The following CSF1R variants were observed in gnomAD, a reference collection of about 807,000 sequenced individuals.
The protein encoded by CSF1R is colony stimulating factor 1 receptor.
In CSF1R, 40 loss-of-function variants were observed where a neutral mutation model predicts 110.0. The ratio of observed to expected loss-of-function variants is 0.36; its 90% CI spans 0.28 to 0.47. The LOEUF (loss-of-function observed/expected upper bound fraction) is 0.47. CSF1R is among the 20% of genes least tolerant of loss of function. The pLI is 0.99. For missense variants in CSF1R, 1,052 were observed against 1,253.0 expected, an observed-to-expected ratio of 0.84 and a Z score of 2.42; for synonymous variants, 523 against 503.4, an observed-to-expected ratio of 1.04 and a Z score of -0.52.
chr5:150,095,237 A>G (rs1247304646), intron 1 of CSF1R, among the ~76,000 whole-genome samples: 2 of 152,198 alleles, frequency 1.3e-5, no homozygotes, highest in Non-Finnish European at 2.9e-5. Context: ...GTACAAGTAG[A>G]GAGCAAATCA....
chr5:150,058,256 A>G (rs772896942), intron 14 of CSF1R: 20 of 456,104 alleles, frequency 4.4e-5, no homozygotes, highest in Admixed American at 2.8e-4. Context: ...CACTTCCAAC[A>G]GTCCTCAAGA....
rs1757754704 is a variant in CSF1R, at chr5:150,066,027, G to A, written c.1626+2188C>T. On this transcript the variant is annotated intron_variant, in intron 10 of 20. Transcript: ENST00000675795. ...GCAAACATTGGAGCTGCTCAGAGAA[G>A]GAACAGGTGGCCCCGAGAGTGAGTA... Among the ~76,000 whole-genome samples the A allele has an allele frequency of 2.6e-5, 4 of 152,240 alleles. No individual in the cohort carries two copies. In the South Asian group the frequency reaches 8.3e-4, roughly 31 times the overall value.
At chr5:150,092,979 A>C (rs990261525) in intron 1 of CSF1R, among the ~76,000 whole-genome samples, 1 of 152,202 alleles carries the variant, frequency 6.6e-6, no homozygotes, top group Admixed American at 6.5e-5. Context: ...GATTGATCAC[A>C]AGTAACTGAA....
intron 1 of CSF1R, among the ~76,000 whole-genome samples, chr5:150,081,339 A>G (rs1032450732): frequency 2.6e-5 from 4 of 152,142 alleles, no homozygotes; most frequent in Admixed American, 2.0e-4. Flanking sequence ...CTGTGATGCC[A>G]TCTTTCTACT....
intron 1 of CSF1R, among the ~76,000 whole-genome samples, chr5:150,102,538 G>A (rs1759435650): frequency 1.3e-5 from 2 of 152,142 alleles, no homozygotes; most frequent in African/African-American, 4.8e-5. Context: ...GGAGTGCAGT[G>A]GCGCAGTCTT....
chr5:150,076,030 C>A (rs1460652521), intron 5 of CSF1R, among the ~76,000 whole-genome samples: 1 of 151,976 alleles, frequency 6.6e-6, no homozygotes, highest in Non-Finnish European at 1.5e-5. Flanking sequence ...TGTCTCAGAG[C>A]CTGCTCCCAC....
chr5:150,071,684 A>G lies in CSF1R; in HGVS notation c.1083-1113T>C, dbSNP rs149093796. On this transcript the variant is annotated intron_variant, in intron 6 of 20. Transcript: ENST00000675795. ...GCCTTGTGCTGAATGGGCCCAGACT[A>G]CTGTGTTTTAGGGGATCTCGTGTTC... Among the ~76,000 whole-genome samples the G allele has an allele frequency of 6.3e-4, 96 of 152,174 alleles. 2 individuals are homozygous for G. In the East Asian group the frequency reaches 0.015, roughly 24 times the overall value.
intron 1 of CSF1R, among the ~76,000 whole-genome samples, chr5:150,101,078 A>C (rs1301748793): frequency 6.6e-6 from 1 of 152,016 alleles, no homozygotes; most frequent in Non-Finnish European, 1.5e-5. Context: ...CAGAAAAAAA[A>C]AAAAAAGGTG....
At chr5:150,110,545 C>T (rs186708372) in intron 1 of CSF1R, among the ~76,000 whole-genome samples, 4 of 152,236 alleles carry the variant, frequency 2.6e-5, no homozygotes, top group Admixed American at 2.6e-4. Context: ...TCTGTATTTC[C>T]CATGGACCTA....
Position 150,073,476 on chromosome 5 carries a change from A to G in CSF1R, c.907T>C (p.Leu303=). The G allele has an allele frequency of 6.2e-7, 1 of 1,613,688 alleles. No individual in the cohort carries two copies. Among genetic ancestry groups the G allele is most frequent in the South Asian group, 1.1e-5 (1 of 91,048 alleles). The part of the protein sequence containing the change: ...FRVVESAYLN[L]SSEQNLIQEV... ...TGGATGAGGTTCTGCTCAGAGCTCA[A>G]GTTCAAGTAGGCACTCTCTGGAAAG... The change falls in exon 6 of 21, where the codon TTG becomes CTG. Residue 303 remains leucine (L), a synonymous_variant. Transcript: ENST00000675795.
chr5:150,109,055 C>T (rs1233533002), intron 1 of CSF1R, among the ~76,000 whole-genome samples: 1 of 30,030 alleles, frequency 3.3e-5, no homozygotes, highest in Non-Finnish European at 7.5e-5. Context: ...CAAGGAGAAG[C>T]CCGCCCCCCC....
intron 1 of CSF1R, among the ~76,000 whole-genome samples, chr5:150,085,008 G>A (rs554566065): frequency 4.6e-5 from 7 of 152,174 alleles, no homozygotes; most frequent in African/African-American, 1.7e-4. Context: ...GCCGGGCGCC[G>A]TGACTCACAC....
At chr5:150,076,450 A>G (rs1561933363) in intron 5 of CSF1R, among the ~76,000 whole-genome samples, 1 of 152,140 alleles carries the variant, frequency 6.6e-6, no homozygotes, top group Non-Finnish European at 1.5e-5. Context: ...ACTGAGACAC[A>G]GGGTGGTTAG....
chr5:150,104,351 G>C (rs1439468257), intron 1 of CSF1R, among the ~76,000 whole-genome samples: 1 of 152,246 alleles, frequency 6.6e-6, no homozygotes, highest in Non-Finnish European at 1.5e-5. Context: ...CACGATCAAA[G>C]GATGCTGCTT....
At chr5:150,088,624 C>T (rs1288539020), upstream of CSF1R, among the ~76,000 whole-genome samples, 5 of 152,024 alleles carry the variant, frequency 3.3e-5, no homozygotes, top group African/African-American at 1.2e-4. Context: ...ACCTCTGCCT[C>T]CCGCGTTCAA....
chr5:150,096,459 A>T (rs1361041836), intron 1 of CSF1R, among the ~76,000 whole-genome samples: 2 of 152,204 alleles, frequency 1.3e-5, no homozygotes, highest in Non-Finnish European at 2.9e-5. Flanking sequence ...AGCATAGGAG[A>T]GATGACTTTT....
intron 1 of CSF1R, among the ~76,000 whole-genome samples, 188 bp downstream of exon 1, chr5:150,086,191 G>C (rs867782103): frequency 1.3e-5 from 2 of 152,148 alleles, no homozygotes; most frequent in Non-Finnish European, 2.9e-5. Flanking sequence ...AGGTGGACCA[G>C]TTCCACCACA....
At position 150,057,601 on chromosome 5, in the gene CSF1R, G is replaced by A. The variant is rs373164720; in HGVS notation, c.2133-9C>T. On this transcript the variant is annotated splice_polypyrimidine_tract_variant and intron_variant, in intron 14 of 20. Transcript: ENST00000675795. ...TGGAGAAGCCACTGTCCCTACATAG[G>A]AGAGAGGGTTGGGGGGCAGAGGTCA... is the stretch of plus-strand genomic sequence containing the variant. 8.7e-6 allele frequency: 14 copies of A among 1,611,938 alleles called. No homozygotes were observed. The highest frequency in any genetic ancestry group is 1.3e-5 in the African/African-American group (1 of 75,016).
intron 1 of CSF1R, among the ~76,000 whole-genome samples, chr5:150,112,769 G>A (rs1357144435): frequency 1.3e-5 from 2 of 152,200 alleles, no homozygotes; most frequent in East Asian, 3.9e-4. Context: ...CTGCCCCTGA[G>A]TTGGCGGCTG....
Sources: allele counts gnomAD v4.1 joint callset (sites outside exome capture counted in the v4.1 genomes callset), GRCh38; gene constraint gnomAD v4.1.1; transcripts MANE v1.5; gene names NCBI Gene and HGNC (gene_info 2026-07-23, HGNC 2026-07-21).